DPP6: variants seen among roughly 807,000 people sequenced by gnomAD.
The protein encoded by DPP6 is A-type potassium channel modulatory protein DPP6.
A neutral mutation model predicts 122.6 loss-of-function variants in DPP6; 69 were observed. The observed-to-expected ratio is 0.56, with a 90% confidence interval of 0.46 to 0.69. The LOEUF (loss-of-function observed/expected upper bound fraction) is 0.69. Ranked by LOEUF, DPP6 falls within the 30% of genes least tolerant of loss-of-function variation. The pLI is 0.00. For missense variants in DPP6, 928 were observed against 1,116.9 expected (o/e 0.83, Z 2.41); for synonymous variants, 418 against 433.1 (o/e 0.97, Z 0.43).
chr7:154,275,425 G>A (rs539944531), intron 1 of DPP6, among the ~76,000 whole-genome samples: 17 of 152,102 alleles, frequency 1.1e-4, no homozygotes, highest in Non-Finnish European at 1.6e-4. Context: ...ACAAAGAGCC[G>A]GAACCCTGGG....
intron 6 of DPP6, among the ~76,000 whole-genome samples, chr7:154,639,085 A>T (rs1205237961): frequency 1.3e-5 from 2 of 152,256 alleles, no homozygotes; most frequent in African/African-American, 4.8e-5. Flanking sequence ...CATTAATCAC[A>T]GCATGAGCGT....
chr7:154,485,671 G>A lies in DPP6; in HGVS notation c.457+10634G>A, dbSNP rs113008713. 3.2e-3 allele frequency among the ~76,000 whole-genome samples: 493 copies of A among 152,334 alleles called. 2 individuals carry two copies. The highest frequency in any genetic ancestry group is 0.011 in the African/African-American group (469 of 41,570). ...ACCTACGGGAAGAACTCAAAAGACA[G>A]TATCATTTAGCGCCAGCAGCAGCGG... On this transcript the variant is annotated intron_variant, in intron 3 of 25. Transcript: ENST00000377770.
At chr7:153,816,967 G>A in the DPP6 span, among the ~76,000 whole-genome samples, 891 of 151,938 alleles carry the variant, frequency 5.9e-3, 7 homozygotes, top group Non-Finnish European at 6.6e-3. Context: ...GTCAACAAGC[G>A]ATGCTAAATA....
At chr7:154,334,067 A>G (rs1019110404) in intron 1 of DPP6, among the ~76,000 whole-genome samples, 4 of 152,168 alleles carry the variant, frequency 2.6e-5, no homozygotes, top group Non-Finnish European at 5.9e-5. Flanking sequence ...TGCTAGTTTA[A>G]ATTATTCCGG....
chr7:154,058,528 T>TC (rs1180532019), intron 1 of DPP6: 1 of 135,610 alleles, frequency 7.4e-6, no homozygotes. Context: ...AACCCCTGGT[T>TC]CCCCCACTGG....
upstream of DPP6, among the ~76,000 whole-genome samples, chr7:153,883,369 C>T (rs1798807765): frequency 7.1e-6 from 1 of 140,052 alleles, no homozygotes. Context: ...ACTTACTTTC[C>T]TTCTTTTCCT....
At chr7:154,654,514 G>A (rs190993212) in intron 6 of DPP6, among the ~76,000 whole-genome samples, 3,472 of 151,526 alleles carry the variant, frequency 0.023, 51 homozygotes, top group Non-Finnish European at 0.037. Context: ...TGCCTCCCAG[G>A]TTCAGGCGAT....
At chr7:153,937,370 CATT>C (rs947508054) in intron 1 of DPP6, among the ~76,000 whole-genome samples, 1 of 150,990 alleles carries the variant, frequency 6.6e-6, no homozygotes, top group African/African-American at 2.4e-5. Flanking sequence ...AGCTCATCAT[CATT>C]GAAGAAAGAA....
chr7:154,782,554 G>A (rs1052595613), intron 10 of DPP6, among the ~76,000 whole-genome samples: 1 of 151,996 alleles, frequency 6.6e-6, no homozygotes, highest in African/African-American at 2.4e-5. Context: ...TTTAGTAAGG[G>A]CAGATTTGGA....
chr7:153,870,019 A>T, the DPP6 span, among the ~76,000 whole-genome samples: 2 of 152,178 alleles, frequency 1.3e-5, no homozygotes, highest in African/African-American at 2.4e-5. Flanking sequence ...CTGAGAGATC[A>T]ACTGTTAGTC....
chr7:154,317,502 G>A (rs575902886), intron 1 of DPP6, among the ~76,000 whole-genome samples: 6 of 152,234 alleles, frequency 3.9e-5, no homozygotes, highest in South Asian at 2.1e-4. Flanking sequence ...ATTCATTGTC[G>A]AAAATGTGTT....
intron 1 of DPP6, among the ~76,000 whole-genome samples, chr7:154,309,054 G>C (rs891513454): frequency 3.9e-5 from 6 of 152,296 alleles, no homozygotes; most frequent in East Asian, 1.9e-4. Flanking sequence ...ACATGCACTC[G>C]TTGGTCCTAG....
intron 21 of DPP6, among the ~76,000 whole-genome samples, chr7:154,882,364 G>A (rs1029289861): frequency 2.6e-5 from 4 of 152,224 alleles, no homozygotes; most frequent in Non-Finnish European, 4.4e-5. Context: ...AGTGGATCCC[G>A]GGCGTCTTTC....
chr7:154,850,424 G>A (rs537506897), intron 16 of DPP6, among the ~76,000 whole-genome samples: 1 of 152,194 alleles, frequency 6.6e-6, no homozygotes, highest in African/African-American at 2.4e-5. Flanking sequence ...GGGGGAGTTT[G>A]GTAGTCTCTT....
intron 1 of DPP6, among the ~76,000 whole-genome samples, chr7:154,101,985 C>A (rs376130831): frequency 1.3e-5 from 2 of 150,614 alleles, no homozygotes; most frequent in Non-Finnish European, 2.9e-5. Context: ...TTGCTCCTAC[C>A]GTCTTACTCA....
chr7:154,288,503 T>A (rs1804997411), intron 1 of DPP6, among the ~76,000 whole-genome samples: 1 of 152,240 alleles, frequency 6.6e-6, no homozygotes, highest in Non-Finnish European at 1.5e-5. Context: ...ATCTGACATC[T>A]GTGTCAATTC....
the DPP6 span, among the ~76,000 whole-genome samples, chr7:153,852,663 T>C: frequency 2.6e-5 from 4 of 152,156 alleles, no homozygotes; most frequent in African/African-American, 9.7e-5. Flanking sequence ...ACAGTACACA[T>C]TGTGAGCCAT....
chr7:154,308,714 C>T (rs952856519), intron 1 of DPP6, among the ~76,000 whole-genome samples: 8 of 152,052 alleles, frequency 5.3e-5, no homozygotes, highest in Admixed American at 1.3e-4. Flanking sequence ...CTTAGAAAAC[C>T]AAATTAAGGG....
intron 1 of DPP6, among the ~76,000 whole-genome samples, chr7:153,965,524 A>G (rs577257073): frequency 1.3e-5 from 2 of 151,944 alleles, no homozygotes; most frequent in African/African-American, 4.8e-5. Context: ...TTTATTTTTT[A>G]TTTTTTGAGA....
Sources: gnomAD v4.1 joint callset for allele counts (sites outside exome capture counted in the v4.1 genomes callset) on GRCh38, gnomAD v4.1.1 for gene constraint, MANE v1.5 for transcripts, NCBI Gene and HGNC (gene_info 2026-07-23, HGNC 2026-07-21) for gene names.